ROBO2: variants seen among roughly 807,000 people sequenced by gnomAD.
ROBO2 encodes roundabout homolog 2.
ROBO2 carries 53 observed loss-of-function variants against 160.8 expected under a neutral mutation model. That is an observed-to-expected ratio of 0.33 (90% CI 0.26 to 0.41). The LOEUF (loss-of-function observed/expected upper bound fraction) is 0.41. ROBO2 is among the 10% of genes least tolerant of loss of function. ROBO2 has a pLI of 1.00. For synonymous variants in ROBO2, 664 were observed against 611.7 expected, an observed-to-expected ratio of 1.09 and a Z score of -1.26; for missense variants, 1,577 against 1,722.4, an observed-to-expected ratio of 0.92 and a Z score of 1.49.
chr3:77,298,664 G>A (rs959288142), intron 2 of ROBO2, among the ~76,000 whole-genome samples: 4 of 152,112 alleles, frequency 2.6e-5, no homozygotes, highest in Admixed American at 6.5e-5. Flanking sequence ...CTAACAGCAA[G>A]TTATCCTCAG....
chr3:76,856,733 T>C (rs2070131669), intron 2 of ROBO2, among the ~76,000 whole-genome samples: 1 of 152,196 alleles, frequency 6.6e-6, no homozygotes, highest in Admixed American at 6.5e-5. Context: ...TTAAGTAATT[T>C]ATATTACTGG....
chr3:76,508,790 A>G (rs1366817839), intron 2 of ROBO2, among the ~76,000 whole-genome samples: 1 of 152,202 alleles, frequency 6.6e-6, no homozygotes, highest in Non-Finnish European at 1.5e-5. Context: ...AAAGCATCTC[A>G]GTAATTCTTT....
chr3:76,489,100 A>G (rs1213542378), intron 2 of ROBO2, among the ~76,000 whole-genome samples: 2 of 148,486 alleles, frequency 1.3e-5, no homozygotes, highest in East Asian at 3.9e-4. Context: ...AAAAAAAAAA[A>G]AAAAAAAAAA....
intron 2 of ROBO2, among the ~76,000 whole-genome samples, chr3:76,913,720 A>G (rs1254089654): frequency 6.6e-6 from 1 of 152,184 alleles, no homozygotes; most frequent in Non-Finnish European, 1.5e-5. Flanking sequence ...GATCATTCCA[A>G]CTTCTTTCTA....
chr3:76,262,794 A>T (rs1050903837), intron 2 of ROBO2, among the ~76,000 whole-genome samples: 10 of 152,208 alleles, frequency 6.6e-5, no homozygotes, highest in African/African-American at 2.4e-4. Flanking sequence ...CAAGTTTAAG[A>T]AACAATAGAG....
At chr3:76,519,602 T>C (rs2081499727) in intron 2 of ROBO2, among the ~76,000 whole-genome samples, 1 of 152,108 alleles carries the variant, frequency 6.6e-6, no homozygotes, top group Non-Finnish European at 1.5e-5. Context: ...TACTACAATC[T>C]CCCAGATTTT....
chr3:77,549,534 A>G (rs1325862642), intron 7 of ROBO2, among the ~76,000 whole-genome samples: 2 of 152,068 alleles, frequency 1.3e-5, no homozygotes, highest in African/African-American at 4.8e-5. Context: ...CATGCTAGCA[A>G]ACATCACTCG....
chr3:76,309,502 C>T (rs896475430), intron 2 of ROBO2, among the ~76,000 whole-genome samples: 1 of 152,096 alleles, frequency 6.6e-6, no homozygotes, highest in African/African-American at 2.4e-5. Flanking sequence ...ATTGTAATAA[C>T]TGTATTTTCA....
intron 2 of ROBO2, among the ~76,000 whole-genome samples, chr3:76,536,647 G>T (rs2082521689): frequency 6.6e-6 from 1 of 152,084 alleles, no homozygotes; most frequent in South Asian, 2.1e-4. Context: ...CTGCCCTGGT[G>T]CCTTCTTGAA....
intron 2 of ROBO2, among the ~76,000 whole-genome samples, chr3:76,312,694 G>A (rs1411582519): frequency 6.6e-6 from 1 of 152,170 alleles, no homozygotes; most frequent in Non-Finnish European, 1.5e-5. Context: ...AGGATTTAGC[G>A]ATGTATGGTG....
chr3:76,365,939 G>A (rs923099292), intron 2 of ROBO2, among the ~76,000 whole-genome samples: 2 of 151,900 alleles, frequency 1.3e-5, no homozygotes, highest in African/African-American at 2.4e-5. Flanking sequence ...TTATATTCCC[G>A]AGAATCAGTC....
chr3:76,079,357 C>A (rs779443313), intron 2 of ROBO2, among the ~76,000 whole-genome samples: 3 of 151,962 alleles, frequency 2.0e-5, no homozygotes, highest in Non-Finnish European at 4.4e-5. Flanking sequence ...ATCCCAATAA[C>A]CCTCATTTGA....
intron 2 of ROBO2, among the ~76,000 whole-genome samples, chr3:76,787,350 A>ACACACACACT (rs2063057101): frequency 6.6e-6 from 1 of 150,920 alleles, no homozygotes; most frequent in Non-Finnish European, 1.5e-5. Flanking sequence ...ACACACACAC[A>ACACACACACT]CACACACACA....
intron 1 of ROBO2, 135 bp downstream of exon 1, chr3:77,040,981 C>A: frequency 1.8e-6 from 2 of 1,125,916 alleles, no homozygotes; most frequent in Non-Finnish European, 2.6e-6. Context: ...CCGGCACGGG[C>A]TCCTTGGGGG....
intron 2 of ROBO2, among the ~76,000 whole-genome samples, chr3:77,342,888 C>T (rs2067215670): frequency 6.6e-6 from 1 of 152,166 alleles, no homozygotes; most frequent in Non-Finnish European, 1.5e-5. Context: ...TAACAGAATA[C>T]CACAGGCTGG....
At chr3:76,594,421 A>C (rs1389569936) in intron 2 of ROBO2, among the ~76,000 whole-genome samples, 1 of 152,070 alleles carries the variant, frequency 6.6e-6, no homozygotes, top group Non-Finnish European at 1.5e-5. Context: ...CAAAGGAAGA[A>C]GGGAAGAAAC....
chr3:76,956,792 C>T (rs1029407791), intron 2 of ROBO2, among the ~76,000 whole-genome samples: 1 of 151,976 alleles, frequency 6.6e-6, no homozygotes, highest in African/African-American at 2.4e-5. Context: ...CAGGGCCCAA[C>T]CTCAGAACCA....
Position 76,329,729 on chromosome 3 carries a change from A to G in ROBO2, c.109+392127A>G, listed in dbSNP as rs149211122. ...ATGGTAGACTGTTTTCTAAAAAATA[A>G]TAGACATTTTTAACACAAATTTTGA... On this transcript the variant is annotated intron_variant, in intron 2 of 26. Transcript: ENST00000487694. Among the ~76,000 whole-genome samples, 182 of 152,358 alleles carry G rather than the reference A, an allele frequency of 1.2e-3. 1 individual carries two copies. Among genetic ancestry groups the G allele is most frequent in the South Asian group, 3.1e-3 (15 of 4,828 alleles).
rs193033532 is a variant in ROBO2 at position 75,970,312 on chromosome 3, G to T, written c.109+32710G>T. ...CAAGATTAAAAACAAGGTTTATATTGCTTCATAAGGAGCAAGCACATTTTT... is the reference window on the plus strand; with the variant it reads ...CAAGATTAAAAACAAGGTTTATATTTCTTCATAAGGAGCAAGCACATTTTT... On this transcript the variant is annotated intron_variant, in intron 2 of 26. Coordinates refer to the ROBO2 transcript ENST00000487694. Among the ~76,000 whole-genome samples, 273 of 151,532 alleles carry T rather than the reference G, an allele frequency of 1.8e-3. 2 individuals carry two copies. The highest frequency in any genetic ancestry group is 6.2e-3 in the African/African-American group (259 of 41,444).
Sources: gnomAD v4.1 joint callset for allele counts (sites outside exome capture counted in the v4.1 genomes callset) on GRCh38, gnomAD v4.1.1 for gene constraint, MANE v1.5 for transcripts, NCBI Gene and HGNC (gene_info 2026-07-23, HGNC 2026-07-21) for gene names.